Variants in DMD observed in about 807,000 individuals in gnomAD.
The protein encoded by DMD is mutant dystrophin.
Under a neutral mutation model 330.1 loss-of-function variants are expected in DMD, and 63 were observed. The observed-to-expected ratio is 0.19, with a 90% CI of 0.16 to 0.24. DMD has a LOEUF of 0.24. Ranked by LOEUF, DMD falls within the 10% of genes least tolerant of loss-of-function variation. DMD has a pLI of 1.00. For synonymous variants in DMD, 1,223 were observed against 959.8 expected (o/e 1.27, Z -5.07); for missense variants, 3,344 against 2,684.1 (o/e 1.25, Z -5.43).
At chrX:32,964,332 T>A (rs998077282) in intron 2 of DMD, among the ~76,000 whole-genome samples, 1 of 109,867 alleles carries the variant, frequency 9.1e-6, no homozygotes, top group Non-Finnish European at 1.9e-5. Context: ...TGAAAATTGT[T>A]CTTTTGGGGG....
At chrX:32,023,679 C>A (rs989289410) in intron 44 of DMD, among the ~76,000 whole-genome samples, 1 of 111,413 alleles carries the variant, frequency 9.0e-6, no homozygotes, top group Non-Finnish European at 1.9e-5. Context: ...CAAAGACATG[C>A]AATCAACCTA....
chrX:32,400,403 A>G (rs1221021619), intron 30 of DMD, among the ~76,000 whole-genome samples: 1 of 111,384 alleles, frequency 9.0e-6, no homozygotes, highest in African/African-American at 3.3e-5. Flanking sequence ...CATCAAGGAT[A>G]ATGGTCTAAA....
chrX:31,237,322 T>A (rs974203782), intron 63 of DMD, among the ~76,000 whole-genome samples: 2 of 112,313 alleles, frequency 1.8e-5, no homozygotes, highest in Non-Finnish European at 3.8e-5. Flanking sequence ...AAACTATGCG[T>A]ATCTCTGCTT....
intron 51 of DMD, among the ~76,000 whole-genome samples, chrX:31,756,846 A>T (rs2089144352): frequency 8.9e-6 from 1 of 112,048 alleles, no homozygotes. Flanking sequence ...TATGTCTTTA[A>T]GCATTTCTTT....
At position 32,463,599 on chromosome X, in the gene DMD, G is replaced by C; in HGVS notation, c.3277-5C>G. On this transcript the variant is annotated splice_polypyrimidine_tract_variant and splice_region_variant and intron_variant, in intron 24 of 78. Coordinates refer to ENST00000357033, the MANE Select transcript of DMD (RefSeq NM_004006.3). ...CTGAATATCACTGACTAAAAGCTAA[G>C]AAAATAAATCAATTTAAGCCAGCTG... The C allele has an allele frequency of 8.9e-7, 1 of 1,128,586 alleles. No homozygotes were observed. The allele number at this position is 1,128,586 out of a possible 1,213,427, so 93.0% of individuals were successfully genotyped here.
intron 9 of DMD, among the ~76,000 whole-genome samples, chrX:32,665,135 A>G: frequency 8.9e-6 from 1 of 112,323 alleles, no homozygotes; most frequent in East Asian, 2.8e-4. Context: ...TGTTGAACAA[A>G]TTATGTGTCA....
chrX:31,619,384 AT>A (rs1468168767), intron 55 of DMD, among the ~76,000 whole-genome samples: 1 of 81,425 alleles, frequency 1.2e-5, no homozygotes, highest in African/African-American at 5.2e-5. Flanking sequence ...GAAACATAAA[AT>A]ATTTAGTTAT....
intron 7 of DMD, among the ~76,000 whole-genome samples, chrX:32,774,591 G>A (rs560533888): frequency 1.8e-5 from 2 of 111,221 alleles, no homozygotes; most frequent in Non-Finnish European, 3.8e-5. Flanking sequence ...GGTGGCAGGA[G>A]GGGGCAGGGA....
At chrX:32,836,667 G>C (rs2079661987) in intron 4 of DMD, among the ~76,000 whole-genome samples, 1 of 111,369 alleles carries the variant, frequency 9.0e-6, no homozygotes, top group African/African-American at 3.3e-5. Flanking sequence ...AGTACAGCCT[G>C]AGCCATTTCT....
intron 7 of DMD, among the ~76,000 whole-genome samples, chrX:32,801,083 G>C (rs1471465304): frequency 1.8e-5 from 2 of 111,313 alleles, no homozygotes; most frequent in East Asian, 2.9e-4. Context: ...TCTGGCTCTA[G>C]ATCCTTGAGC....
At chrX:32,617,705 G>A (rs1447124928) in intron 11 of DMD, among the ~76,000 whole-genome samples, 1 of 111,030 alleles carries the variant, frequency 9.0e-6, no homozygotes, top group Non-Finnish European at 1.9e-5. Flanking sequence ...AGCAAAAATA[G>A]ACTGAGGACT....
chrX:32,404,555 TAAGC>T (rs776279600), intron 30 of DMD, among the ~76,000 whole-genome samples: 3 of 111,478 alleles, frequency 2.7e-5, no homozygotes, highest in Non-Finnish European at 5.7e-5. Context: ...TGCAGTAATT[TAAGC>T]AACAGGGCCA....
chrX:32,988,690 C>T (rs2092908182), intron 2 of DMD, among the ~76,000 whole-genome samples: 1 of 112,111 alleles, frequency 8.9e-6, no homozygotes, highest in Admixed American at 9.5e-5. Flanking sequence ...ATGTACTACA[C>T]TAATTGTGTA....
chrX:32,816,177 G>T (rs955826215), intron 6 of DMD, among the ~76,000 whole-genome samples: 1 of 111,235 alleles, frequency 9.0e-6, no homozygotes, highest in Non-Finnish European at 1.9e-5. Context: ...ATACAACCTG[G>T]ATTTACTGGG....
intron 1 of DMD, among the ~76,000 whole-genome samples, chrX:33,247,303 T>A (rs2052682878): frequency 8.9e-6 from 1 of 111,993 alleles, no homozygotes; most frequent in African/African-American, 3.2e-5. Flanking sequence ...TTTTCTTATA[T>A]ATTTTGTTTC....
chrX:32,569,462 T>C (rs2052144741), intron 15 of DMD, among the ~76,000 whole-genome samples: 1 of 112,040 alleles, frequency 8.9e-6, no homozygotes, highest in Admixed American at 9.5e-5. Context: ...CAGAATTACC[T>C]GAAAGGCTTG....
At chrX:31,372,787 A>G (rs766415607) in intron 60 of DMD, among the ~76,000 whole-genome samples, 1 of 110,847 alleles carries the variant, frequency 9.0e-6, no homozygotes, top group Non-Finnish European at 1.9e-5. Flanking sequence ...CTCTCTTACC[A>G]CTCCTATTCA....
In DMD at chrX:32,071,924, T is replaced by C. The variant is rs2096302858; in HGVS notation, c.6439-103410A>G. On this transcript the variant is annotated intron_variant, in intron 44 of 78. Coordinates refer to ENST00000357033, the MANE Select transcript of DMD (RefSeq NM_004006.3). ...AAGAGAAATATTAATGTTAGAAAGGTAATGCAACGTGTTAGTAATTGCTCT... is the reference window on the plus strand; with the variant it reads ...AAGAGAAATATTAATGTTAGAAAGGCAATGCAACGTGTTAGTAATTGCTCT... Among the ~76,000 whole-genome samples, 3 of 111,671 alleles carry C rather than the reference T, an allele frequency of 2.7e-5. No individual in the cohort carries two copies. In the South Asian group the frequency reaches 1.1e-3, roughly 42 times the overall value.
chrX:32,017,961 A>T (rs1264026202), intron 44 of DMD, among the ~76,000 whole-genome samples: 1 of 111,227 alleles, frequency 9.0e-6, no homozygotes, highest in African/African-American at 3.3e-5. Context: ...TAGATTTTGC[A>T]TGGAAATCAC....
Sources: allele counts gnomAD v4.1 joint callset (sites outside exome capture counted in the v4.1 genomes callset), GRCh38; gene constraint gnomAD v4.1.1; transcripts MANE v1.5; gene names NCBI Gene and HGNC (gene_info 2026-07-23, HGNC 2026-07-21).